TMTC1: variants seen among roughly 807,000 people sequenced by gnomAD.
TMTC1 encodes protein O-mannosyl-transferase TMTC1.
A neutral mutation model predicts 104.8 loss-of-function variants in TMTC1; 73 were observed. The observed-to-expected ratio is 0.70, with a 90% confidence interval of 0.58 to 0.85. The LOEUF (loss-of-function observed/expected upper bound fraction) is 0.85, where lower values mean the gene tolerates loss of function less well. TMTC1 is among the 40% of genes least tolerant of loss of function. The pLI is 0.00. For missense variants in TMTC1, 1,035 were observed against 1,096.1 expected (o/e 0.94, Z 0.79); for synonymous variants, 434 against 428.7 (o/e 1.01, Z -0.15).
chr12:29,556,796 A>G, intron 10 of TMTC1, 61 bp downstream of exon 10: 1 of 1,604,000 alleles, frequency 6.2e-7, no homozygotes, highest in Non-Finnish European at 8.5e-7. Context: ...ATGAGTGTTG[A>G]GAAGGAAAGA....
intron 10 of TMTC1, among the ~76,000 whole-genome samples, chr12:29,554,243 C>T (rs1479310511): frequency 6.6e-6 from 1 of 152,086 alleles, no homozygotes; most frequent in African/African-American, 2.4e-5. Flanking sequence ...ATAAGTAGAT[C>T]TAATTTTTGT....
intron 6 of TMTC1, among the ~76,000 whole-genome samples, chr12:29,627,995 C>T (rs1235686980): frequency 6.6e-6 from 1 of 152,166 alleles, no homozygotes; most frequent in African/African-American, 2.4e-5. Context: ...CATGTGCAGA[C>T]CTTGTTAAAG....
At chr12:29,756,418 T>C (rs992094532) in intron 3 of TMTC1, among the ~76,000 whole-genome samples, 2 of 152,232 alleles carry the variant, frequency 1.3e-5, no homozygotes, top group South Asian at 2.1e-4. Context: ...GTGTTTTATA[T>C]GCTTCCATAC....
chr12:29,699,615 T>C (rs1039308891), intron 5 of TMTC1, among the ~76,000 whole-genome samples: 3 of 151,724 alleles, frequency 2.0e-5, no homozygotes, highest in Non-Finnish European at 4.4e-5. Flanking sequence ...AGTACTTTAT[T>C]TGGCACAAAA....
At chr12:29,601,624 TGTA>T (rs146343956) in intron 7 of TMTC1, among the ~76,000 whole-genome samples, 12,552 of 152,188 alleles carry the variant, frequency 0.082, 606 homozygotes, top group Middle Eastern at 0.2. Flanking sequence ...GTAAGAGATC[TGTA>T]GTAGACAGGG....
intron 1 of TMTC1, among the ~76,000 whole-genome samples, chr12:29,775,719 C>T (rs390277): frequency 0.88 from 133,968 of 151,716 alleles, 60,449 homozygotes; most frequent in East Asian, 0.99. Context: ...ACTGACCACA[C>T]AACAATTCAA....
In TMTC1 at chr12:29,556,839, GGTAAA is replaced by G. The variant is rs1945258029; in HGVS notation, c.1676+13_1676+17del. 1.9e-6 allele frequency: 3 copies of G among 1,613,500 alleles called. No individual in the cohort carries two copies. The East Asian group carries it at 6.7e-5, about 36-fold the overall frequency. ...GGAATCGCAAGGCCACCTGATCGAT[GGTAAA>G]CGTCCCACTTACTTGAGGAGATTCC... On this transcript the variant is annotated intron_variant, in intron 10 of 17. Coordinates refer to ENST00000539277, the MANE Select transcript of TMTC1 (RefSeq NM_001193451.2).
At chr12:29,508,592 T>C (rs1943751744) in intron 17 of TMTC1, among the ~76,000 whole-genome samples, 1 of 151,948 alleles carries the variant, frequency 6.6e-6, no homozygotes, top group African/African-American at 2.4e-5. Context: ...AACTAGAAGC[T>C]GTATTTTTTT....
chr12:29,707,697 C>G (rs1374484028), intron 5 of TMTC1, among the ~76,000 whole-genome samples: 2 of 152,162 alleles, frequency 1.3e-5, no homozygotes, highest in African/African-American at 4.8e-5. Flanking sequence ...TCTTACTGAT[C>G]CTGTTCTTCA....
rs1163672964 is a variant in TMTC1 at position 29,505,730 on chromosome 12, C to A, written c.*1116G>T. The A allele has an allele frequency of 6.6e-6, 1 of 151,730 alleles. No individual in the cohort carries two copies. The highest frequency in any genetic ancestry group is 1.5e-5 in the Non-Finnish European group (1 of 67,942). 9.4% of individuals were successfully genotyped at this position (151,730 alleles called of 1,614,324 possible). A position where few individuals can be genotyped will look rare whatever the true frequency, so the allele number is the denominator to read the frequency against. On this transcript the variant is annotated 3_prime_UTR_variant, in exon 18 of 18. Coordinates refer to ENST00000539277, the MANE Select transcript of TMTC1 (RefSeq NM_001193451.2). Reference sequence around the variant, plus strand: ...TAAAATTTGAATTTAGATCTTTACCCTAGATTTTTAGAGCATTCTCCATAA... The same window carrying A: ...TAAAATTTGAATTTAGATCTTTACCATAGATTTTTAGAGCATTCTCCATAA...
intron 5 of TMTC1, among the ~76,000 whole-genome samples, chr12:29,688,674 G>A (rs982058602): frequency 6.6e-6 from 1 of 152,220 alleles, no homozygotes; most frequent in Admixed American, 6.5e-5. Flanking sequence ...TGTTTCACAT[G>A]TATAATCTTT....
At chr12:29,584,180 T>C (rs149739045) in intron 7 of TMTC1, among the ~76,000 whole-genome samples, 21 of 152,268 alleles carry the variant, frequency 1.4e-4, no homozygotes, top group East Asian at 1.2e-3. Flanking sequence ...TTGATATGCC[T>C]AGCTGTACCG....
At chr12:29,523,860 T>A (rs1210845106) in intron 11 of TMTC1, among the ~76,000 whole-genome samples, 1 of 152,172 alleles carries the variant, frequency 6.6e-6, no homozygotes, top group Non-Finnish European at 1.5e-5. Flanking sequence ...ACACTTAGCA[T>A]GAGTGACTCT....
intron 5 of TMTC1, among the ~76,000 whole-genome samples, chr12:29,749,661 C>G (rs1166356320): frequency 6.6e-6 from 1 of 152,178 alleles, no homozygotes; most frequent in Non-Finnish European, 1.5e-5. Context: ...TTCCTCTTCC[C>G]TTTTCCTTGG....
intron 5 of TMTC1, among the ~76,000 whole-genome samples, chr12:29,709,552 T>C (rs1453501580): frequency 1.3e-5 from 2 of 151,126 alleles, no homozygotes; most frequent in Admixed American, 6.6e-5. Flanking sequence ...TACATTCAGA[T>C]AAAAATTTTG....
At chr12:29,611,493 T>C (rs1946845834) in intron 6 of TMTC1, among the ~76,000 whole-genome samples, 1 of 152,226 alleles carries the variant, frequency 6.6e-6, no homozygotes, top group Non-Finnish European at 1.5e-5. Flanking sequence ...CAAAAATTTC[T>C]ATTCACTTTA....
chr12:29,673,467 T>C (rs1940595465), intron 5 of TMTC1, among the ~76,000 whole-genome samples: 1 of 152,172 alleles, frequency 6.6e-6, no homozygotes, highest in Non-Finnish European at 1.5e-5. Flanking sequence ...CTTATGTTCA[T>C]ATAATTTTTC....
chr12:29,531,044 C>T (rs937087579), intron 11 of TMTC1, among the ~76,000 whole-genome samples: 7 of 152,102 alleles, frequency 4.6e-5, no homozygotes, highest in East Asian at 1.9e-4. Context: ...ACAGTTGTTA[C>T]GCTTGTGTTA....
In TMTC1 at chr12:29,633,919, G is replaced by A. The variant is rs1031018611; in HGVS notation, c.939-583C>T. ...CACTAGGCACTAAGGTAAAGTGGAA[G>A]GCATTCTAGTTGTTCCCCTCACTTT... is the stretch of plus-strand genomic sequence containing the variant. On this transcript the variant is annotated intron_variant, in intron 5 of 17. Transcript: ENST00000539277. Among the ~76,000 whole-genome samples, 18 of 152,258 alleles carry A rather than the reference G, an allele frequency of 1.2e-4. No homozygotes were observed. In the East Asian group the frequency reaches 2.7e-3, roughly 23 times the overall value.
Sources: allele counts gnomAD v4.1 joint callset (sites outside exome capture counted in the v4.1 genomes callset), GRCh38; gene constraint gnomAD v4.1.1; transcripts MANE v1.5; gene names NCBI Gene and HGNC (gene_info 2026-07-23, HGNC 2026-07-21).